SCFD2: variants seen among roughly 807,000 people sequenced by gnomAD.
The protein encoded by SCFD2 is sec1 family domain-containing protein 2.
A neutral mutation model predicts 58.9 loss-of-function variants in SCFD2; 54 were observed. That is an observed-to-expected ratio of 0.92 (90% CI 0.74 to 1.15). The LOEUF (loss-of-function observed/expected upper bound fraction) is 1.15, where lower values mean the gene tolerates loss of function less well. Ranked by LOEUF, SCFD2 falls within the 50% of genes most tolerant of loss-of-function variation. The pLI, the probability that SCFD2 is intolerant of heterozygous loss-of-function variation, is 0.00. For synonymous variants in SCFD2, 321 were observed against 335.9 expected (o/e 0.96, Z 0.49); for missense variants, 805 against 836.6 (o/e 0.96, Z 0.47).
At chr4:53,044,718 T>TA (rs1342460085) in intron 5 of SCFD2, among the ~76,000 whole-genome samples, 4 of 151,014 alleles carry the variant, frequency 2.6e-5, no homozygotes, top group Non-Finnish European at 1.5e-5. Context: ...GCCAAGCCTT[T>TA]AAAAAAAATC....
chr4:52,947,110 T>A (rs1335439603), intron 5 of SCFD2, among the ~76,000 whole-genome samples: 1 of 152,148 alleles, frequency 6.6e-6, no homozygotes, highest in South Asian at 2.1e-4. Flanking sequence ...TTACATATAT[T>A]TGATCACTCA....
chr4:53,214,812 C>G (rs1287931156), intron 4 of SCFD2, among the ~76,000 whole-genome samples: 1 of 152,042 alleles, frequency 6.6e-6, no homozygotes, highest in African/African-American at 2.4e-5. Context: ...TTTAATCCAC[C>G]TTGAATTAAT....
At chr4:53,116,528 C>A (rs948930731) in intron 5 of SCFD2, among the ~76,000 whole-genome samples, 1 of 152,116 alleles carries the variant, frequency 6.6e-6, no homozygotes, top group Non-Finnish European at 1.5e-5. Flanking sequence ...GAATCCTACC[C>A]AAAAGGAAGA....
chr4:53,340,006 G>A (rs1191300007), intron 2 of SCFD2, among the ~76,000 whole-genome samples: 2 of 152,132 alleles, frequency 1.3e-5, no homozygotes, highest in African/African-American at 4.8e-5. Flanking sequence ...TGACCGAATA[G>A]GAACAGCTCC....
intron 5 of SCFD2, among the ~76,000 whole-genome samples, chr4:53,123,614 G>A (rs755082904): frequency 2.0e-5 from 3 of 152,072 alleles, no homozygotes; most frequent in Admixed American, 6.5e-5. Context: ...TGCCCAAAAT[G>A]CTACTAAAAC....
rs1244107518 is a variant in SCFD2, at chr4:53,335,203, A to AAC, written c.1007+17394_1007+17395insGT. On this transcript the variant is annotated intron_variant, in intron 2 of 8. Transcript: ENST00000401642. ...GAATGAGACTCCGTCTCAAAAAAAA[A>AAC]AAAAAAAAAACAACAAAAAAAAAAA... Among the ~76,000 whole-genome samples, 20 of 146,280 alleles carry AAC rather than the reference A, an allele frequency of 1.4e-4. 1 individual carries two copies. The highest frequency in any genetic ancestry group is 3.0e-4 in the Non-Finnish European group (20 of 67,538).
chr4:53,293,577 A>T (rs543814516), intron 3 of SCFD2, among the ~76,000 whole-genome samples: 2 of 152,190 alleles, frequency 1.3e-5, no homozygotes, highest in Non-Finnish European at 2.9e-5. Context: ...AAAGTTCAAC[A>T]TCCTTTCTTC....
chr4:52,934,114 GA>G (rs1720068602), intron 5 of SCFD2, among the ~76,000 whole-genome samples: 1 of 152,132 alleles, frequency 6.6e-6, no homozygotes, highest in South Asian at 2.1e-4. Flanking sequence ...GACTAAGACC[GA>G]AAAAAATGAA....
At chr4:53,082,943 A>G (rs918456996) in intron 5 of SCFD2, among the ~76,000 whole-genome samples, 2 of 148,596 alleles carry the variant, frequency 1.3e-5, no homozygotes, top group African/African-American at 5.0e-5. Context: ...CTATAATCAC[A>G]TAAGCCAATC....
chr4:53,354,757 A>G (rs1734352347), intron 1 of SCFD2, among the ~76,000 whole-genome samples: 1 of 151,992 alleles, frequency 6.6e-6, no homozygotes, highest in African/African-American at 2.4e-5. Flanking sequence ...GAAATTTTAA[A>G]GCTGAATTTT....
intron 5 of SCFD2, among the ~76,000 whole-genome samples, chr4:53,028,344 C>T (rs1171201360): frequency 2.0e-5 from 3 of 152,078 alleles, no homozygotes; most frequent in Non-Finnish European, 4.4e-5. Context: ...TCAAATTAGA[C>T]AAAATACTGC....
chr4:53,178,059 C>T (rs1727401473), intron 4 of SCFD2, among the ~76,000 whole-genome samples: 2 of 152,220 alleles, frequency 1.3e-5, no homozygotes, highest in Admixed American at 1.3e-4. Context: ...GCCTACCTGC[C>T]TCTGTAGGCT....
intron 4 of SCFD2, among the ~76,000 whole-genome samples, chr4:53,262,503 T>C (rs1339871052): frequency 6.6e-6 from 1 of 152,236 alleles, no homozygotes; most frequent in Non-Finnish European, 1.5e-5. Flanking sequence ...CTTTCCTTCA[T>C]TTATGAAGCT....
At chr4:53,075,038 T>A (rs1345017927) in intron 5 of SCFD2, among the ~76,000 whole-genome samples, 2 of 152,206 alleles carry the variant, frequency 1.3e-5, no homozygotes, top group African/African-American at 4.8e-5. Context: ...AGCTGTATCA[T>A]CTACACTGAA....
At chr4:53,251,161 CACTCTCCCAAG>C in intron 4 of SCFD2, among the ~76,000 whole-genome samples, 1 of 152,286 alleles carries the variant, frequency 6.6e-6, no homozygotes, top group East Asian at 1.9e-4. Flanking sequence ...TCGACACATA[CACTCTCCCAAG>C]ACTAAACCAG....
intron 5 of SCFD2, among the ~76,000 whole-genome samples, chr4:53,120,014 T>G (rs1725434487): frequency 6.6e-6 from 1 of 152,218 alleles, no homozygotes; most frequent in Non-Finnish European, 1.5e-5. Flanking sequence ...TATGCATACC[T>G]GAAGGGTTCT....
At chr4:52,935,389 A>G (rs1347678070) in intron 5 of SCFD2, among the ~76,000 whole-genome samples, 1 of 152,202 alleles carries the variant, frequency 6.6e-6, no homozygotes, top group Non-Finnish European at 1.5e-5. Flanking sequence ...CCACCTTGAA[A>G]GCTAATCTAC....
chr4:52,881,191 G>C (rs552866110), intron 8 of SCFD2, among the ~76,000 whole-genome samples: 9 of 152,318 alleles, frequency 5.9e-5, no homozygotes, highest in African/African-American at 2.2e-4. Context: ...GTGGTTTCTG[G>C]TTTCCTATGT....
intron 7 of SCFD2, among the ~76,000 whole-genome samples, chr4:52,898,028 T>C (rs1719072393): frequency 1.3e-5 from 2 of 152,240 alleles, no homozygotes; most frequent in African/African-American, 4.8e-5. Flanking sequence ...TTATTGCGTC[T>C]ATTTGATTCT....
Sources: allele counts gnomAD v4.1 joint callset (sites outside exome capture counted in the v4.1 genomes callset), GRCh38; gene constraint gnomAD v4.1.1; transcripts MANE v1.5; gene names NCBI Gene and HGNC (gene_info 2026-07-23, HGNC 2026-07-21).